Variants in ORMDL1 observed in about 807,000 individuals in gnomAD.
ORMDL1 encodes ORMDL sphingolipid biosynthesis regulator 1, also known as ORM1-like protein 1.
In ORMDL1, 10 loss-of-function variants were observed where a neutral mutation model predicts 13.0. The observed-to-expected ratio is 0.77, with a 90% CI of 0.47 to 1.30. ORMDL1 has a LOEUF of 1.30. ORMDL1 is among the 50% of genes most tolerant of loss of function. ORMDL1 has a pLI of 0.00. For synonymous variants in ORMDL1, 61 were observed against 63.9 expected, an observed-to-expected ratio of 0.95 and a Z score of 0.22; for missense variants, 171 against 186.7, an observed-to-expected ratio of 0.92 and a Z score of 0.49.
downstream of ORMDL1, chr2:189,765,457 A>G (rs1334801131): frequency 1.3e-5 from 2 of 152,188 alleles, no homozygotes; most frequent in African/African-American, 4.8e-5. Flanking sequence ...ATTCTTTTAT[A>G]GGCTTGAAAT....
chr2:189,768,862 G>A (rs1304725961), downstream of ORMDL1, among the ~76,000 whole-genome samples: 1 of 152,138 alleles, frequency 6.6e-6, no homozygotes, highest in Non-Finnish European at 1.5e-5. Context: ...CATATCATAT[G>A]GAAAATGGTG....
At position 189,771,089 on chromosome 2, in the gene ORMDL1, CTT is replaced by C. The variant is rs2047567723; in HGVS notation, c.*676_*677del. Reference sequence around the variant, plus strand: ...CCTGCTTTGTTCCAAAATTAGAACACTTGACTCAGAAGCTGCTTGTAAGACAC... The same window carrying C: ...CCTGCTTTGTTCCAAAATTAGAACACGACTCAGAAGCTGCTTGTAAGACAC... On this transcript the variant is annotated 3_prime_UTR_variant, in exon 5 of 5. Transcript: ENST00000392349. 1 of 152,164 alleles carries C rather than the reference CTT, an allele frequency of 6.6e-6. No homozygotes were observed. Among genetic ancestry groups the C allele is most frequent in the African/African-American group, 2.4e-5 (1 of 41,442 alleles). The allele number at this position is 152,164 out of a possible 1,614,324, so 9.4% of individuals were successfully genotyped here.
intron 3 of ORMDL1, among the ~76,000 whole-genome samples, chr2:189,779,029 T>TC (rs1456551172): frequency 6.6e-6 from 1 of 151,998 alleles, no homozygotes; most frequent in Non-Finnish European, 1.5e-5. Context: ...AATCAGTCAA[T>TC]CAGCTGAGCA....
rs780297960 is a variant in ORMDL1 at position 189,775,630 on chromosome 2, T to C, written c.261A>G (p.Glu87=). Residue 87 remains glutamate (E), a synonymous_variant, in exon 4 of 5, where the codon GAA becomes GAG. Transcript: ENST00000392349. The stretch of plus-strand genomic sequence containing the variant: ...TAAACTGTACTCCATAGTCCAGTTG[T>C]TCCCAATGAGTTAGGAGCCTTGCTT... ...QGKARLLTHW[E]QLDYGVQFTS... is the part of the protein sequence containing the mutation. 8 of 1,613,936 alleles carry C rather than the reference T, an allele frequency of 5.0e-6. No individual in the cohort carries two copies. The highest frequency in any genetic ancestry group is 1.6e-4 in the Middle Eastern group (1 of 6,084).
At chr2:189,769,957 A>G (rs2047544314), downstream of ORMDL1, among the ~76,000 whole-genome samples, 2 of 152,178 alleles carry the variant, frequency 1.3e-5, no homozygotes, top group South Asian at 4.1e-4. Context: ...GTTCCAAGTA[A>G]TAGTCATTTT....
At chr2:189,782,690 A>G in intron 2 of ORMDL1, 88 bp from the exon 3 acceptor site, 1 of 1,264,202 alleles carries the variant, frequency 7.9e-7, no homozygotes, top group Non-Finnish European at 1.1e-6. Flanking sequence ...CTGTGTTGCG[A>G]GGATTATTTT....
At chr2:189,782,200 C>G (rs2047860084) in intron 3 of ORMDL1, among the ~76,000 whole-genome samples, 1 of 152,170 alleles carries the variant, frequency 6.6e-6, no homozygotes, top group Non-Finnish European at 1.5e-5. Context: ...CTTGGCCTCC[C>G]AAAGTGCTGG....
At chr2:189,782,243 A>G (rs1393043691) in intron 3 of ORMDL1, among the ~76,000 whole-genome samples, 179 bp downstream of exon 3, 2 of 152,148 alleles carry the variant, frequency 1.3e-5, no homozygotes, top group Non-Finnish European at 2.9e-5. Context: ...GGTATTAAAA[A>G]CATTCATATT....
At chr2:189,775,326 TA>T in intron 4 of ORMDL1, 1 of 375,772 alleles carries the variant, frequency 2.7e-6, no homozygotes, top group African/African-American at 2.1e-5. Flanking sequence ...CTGTATATCC[TA>T]AATGTCTAGG....
At chr2:189,765,151 T>G in the ORMDL1 span, 2 of 152,220 alleles carry the variant, frequency 1.3e-5, no homozygotes, top group Non-Finnish European at 2.9e-5. Flanking sequence ...TTTTCAATAT[T>G]TATTTCCTAA....
chr2:189,779,860 C>G (rs1451139669), intron 3 of ORMDL1, among the ~76,000 whole-genome samples: 1 of 152,212 alleles, frequency 6.6e-6, no homozygotes, highest in East Asian at 1.9e-4. Context: ...AAGAAGTTAT[C>G]CTAAGACTTA....
rs1471410502 is a variant in ORMDL1, at chr2:189,775,616, C to T, written c.275G>A (p.Gly92Glu). 3 of 1,613,774 alleles carry T rather than the reference C, an allele frequency of 1.9e-6. No homozygotes were observed. Among genetic ancestry groups the T allele is most frequent in the Admixed American group, 1.7e-5 (1 of 59,982 alleles). The change falls in exon 4 of 5, where the codon GGA becomes GAA. Residue 92 changes from glycine (G) to glutamate (E), a missense_variant. Physicochemically the swap from Gly to Glu is moderately conservative, Grantham distance 98. Coordinates refer to ENST00000392349, the MANE Select transcript of ORMDL1 (RefSeq NM_016467.5). ...LLTHWEQLDY[G>E]VQFTSSRKFF... Reference sequence around the variant, plus strand: ...CTTCCGTGAAGATGTAAACTGTACTCCATAGTCCAGTTGTTCCCAATGAGT... The same window carrying T: ...CTTCCGTGAAGATGTAAACTGTACTTCATAGTCCAGTTGTTCCCAATGAGT...
intron 4 of ORMDL1, among the ~76,000 whole-genome samples, chr2:189,773,270 G>A (rs1035515413): frequency 1.3e-5 from 2 of 152,164 alleles, no homozygotes; most frequent in African/African-American, 4.8e-5. Context: ...CTGATGGTAT[G>A]CAAAACCCAG....
chr2:189,773,248 T>G (rs1476355691), intron 4 of ORMDL1, among the ~76,000 whole-genome samples: 1 of 152,210 alleles, frequency 6.6e-6, no homozygotes, highest in Non-Finnish European at 1.5e-5. Context: ...TTTCAAAAAC[T>G]TAGGCAATCC....
downstream of ORMDL1, chr2:189,770,182 T>C (rs554703402): frequency 5.3e-5 from 8 of 152,270 alleles, no homozygotes; most frequent in Admixed American, 2.6e-4. Flanking sequence ...GTTAAAAAAA[T>C]GTAAGCCTTT....
chr2:189,775,564 C>T lies in ORMDL1; in HGVS notation c.326+1G>A. The T allele has an allele frequency of 6.3e-7, 1 of 1,594,576 alleles. No individual in the cohort carries two copies. On this transcript the variant is annotated splice_donor_variant, in intron 4 of 4. Coordinates refer to ENST00000392349, the MANE Select transcript of ORMDL1 (RefSeq NM_016467.5). LOFTEE classifies it high-confidence loss of function. ...CATACCTAAAAATTTCTGCCACTTACAGAATTATTGGAGAAATTGTGAAAA... is the reference window on the plus strand; with the variant it reads ...CATACCTAAAAATTTCTGCCACTTATAGAATTATTGGAGAAATTGTGAAAA...
intron 3 of ORMDL1, among the ~76,000 whole-genome samples, chr2:189,781,841 C>CA (rs2047843007): frequency 6.6e-6 from 1 of 151,948 alleles, no homozygotes; most frequent in Non-Finnish European, 1.5e-5. Context: ...AATTATATCT[C>CA]AAAAAAGCTG....
At chr2:189,773,472 A>G (rs1006261239) in intron 4 of ORMDL1, among the ~76,000 whole-genome samples, 7 of 152,218 alleles carry the variant, frequency 4.6e-5, no homozygotes, top group African/African-American at 1.7e-4. Context: ...CTGTAATCCC[A>G]GCACTTTGGG....
intron 3 of ORMDL1, chr2:189,778,521 TG>T (rs1311623491): frequency 1.1e-5 from 5 of 447,788 alleles, no homozygotes; most frequent in African/African-American, 8.0e-5. Flanking sequence ...GAATGCAGCA[TG>T]GGAGTTGTGT....
Sources: allele counts gnomAD v4.1 joint callset (sites outside exome capture counted in the v4.1 genomes callset), GRCh38; gene constraint gnomAD v4.1.1; transcripts MANE v1.5; gene names NCBI Gene and HGNC (gene_info 2026-07-23, HGNC 2026-07-21).